The following CDK14 variants were observed in gnomAD, a reference collection of about 807,000 sequenced individuals.
The protein encoded by CDK14 is cyclin dependent kinase 14.
CDK14 carries 34 observed loss-of-function variants against 60.7 expected under a neutral mutation model. The observed-to-expected ratio is 0.56, with a 90% CI of 0.43 to 0.75. The LOEUF (loss-of-function observed/expected upper bound fraction) is 0.75. Ranked by LOEUF, CDK14 falls within the 30% of genes least tolerant of loss-of-function variation. The pLI is 0.00. For synonymous variants in CDK14, 197 were observed against 203.7 expected (o/e 0.97, Z 0.28); for missense variants, 482 against 564.1 (o/e 0.85, Z 1.47).
intron 9 of CDK14, among the ~76,000 whole-genome samples, chr7:90,970,411 A>G (rs1201665279): frequency 3.9e-5 from 6 of 152,158 alleles, no homozygotes; most frequent in African/African-American, 1.4e-4. Context: ...TTTTGTCTTT[A>G]TCTTTGCTGG....
At chr7:90,812,180 T>A (rs964006240) in intron 5 of CDK14, among the ~76,000 whole-genome samples, 13 of 152,208 alleles carry the variant, frequency 8.5e-5, no homozygotes, top group Non-Finnish European at 1.6e-4. Context: ...ATGTTTATTG[T>A]GGCACTATTA....
intron 6 of CDK14, among the ~76,000 whole-genome samples, chr7:90,886,585 C>T (rs533755978): frequency 6.6e-6 from 1 of 152,236 alleles, no homozygotes; most frequent in South Asian, 2.1e-4. Flanking sequence ...CTTCTAATGG[C>T]AAATGGCACT....
chr7:90,919,046 T>C (rs1169029080), intron 8 of CDK14, among the ~76,000 whole-genome samples: 1 of 152,120 alleles, frequency 6.6e-6, no homozygotes, highest in Non-Finnish European at 1.5e-5. Context: ...CTTTTTATAA[T>C]AGGGTAGAAA....
At chr7:91,007,103 G>T (rs1221749818) in intron 10 of CDK14, among the ~76,000 whole-genome samples, 1 of 152,068 alleles carries the variant, frequency 6.6e-6, no homozygotes, top group Non-Finnish European at 1.5e-5. Flanking sequence ...TATAAATTTT[G>T]ACAAATAATG....
At chr7:90,705,591 C>G (rs1801879782) in intron 2 of CDK14, among the ~76,000 whole-genome samples, 1 of 150,544 alleles carries the variant, frequency 6.6e-6, no homozygotes, top group South Asian at 2.1e-4. Context: ...GTTCATGGTT[C>G]TGCTTTGAAC....
At chr7:91,054,088 A>ATTTT (rs10675646) in intron 11 of CDK14, among the ~76,000 whole-genome samples, 10,799 of 112,814 alleles carry the variant, frequency 0.096, 972 homozygotes, top group African/African-American at 0.2. Context: ...CTGCAAAATA[A>ATTTT]TTTTTTTTTT....
chr7:91,177,567 T>A (rs1263928390), intron 14 of CDK14, among the ~76,000 whole-genome samples: 1 of 151,766 alleles, frequency 6.6e-6, no homozygotes, highest in Non-Finnish European at 1.5e-5. Context: ...AACCCCATTG[T>A]CTCAGCCCGA....
intron 13 of CDK14, among the ~76,000 whole-genome samples, chr7:91,116,212 T>G (rs1226355776): frequency 6.6e-6 from 1 of 152,222 alleles, no homozygotes; most frequent in Non-Finnish European, 1.5e-5. Flanking sequence ...TCAAAGTAAA[T>G]GAACAAAATA....
chr7:90,640,385 A>G (rs1234479212), intron 2 of CDK14, among the ~76,000 whole-genome samples: 3 of 152,154 alleles, frequency 2.0e-5, no homozygotes, highest in Non-Finnish European at 4.4e-5. Context: ...GTCACAGGAA[A>G]TCATAGCCAT....
intron 9 of CDK14, chr7:90,979,522 TTATAA>T (rs1795170760): frequency 6.6e-6 from 1 of 152,224 alleles, no homozygotes; most frequent in Non-Finnish European, 1.5e-5. Flanking sequence ...ATGGAATACG[TTATAA>T]TTACTGTGTT....
chr7:91,149,486 C>T (rs1355746586), intron 14 of CDK14, among the ~76,000 whole-genome samples: 1 of 152,106 alleles, frequency 6.6e-6, no homozygotes. Context: ...AGTTTAAGCT[C>T]TCTCTCTGTT....
At chr7:90,952,084 T>A (rs141193584) in intron 8 of CDK14, among the ~76,000 whole-genome samples, 1 of 152,240 alleles carries the variant, frequency 6.6e-6, no homozygotes, top group African/African-American at 2.4e-5. Context: ...GGAGACCAAG[T>A]CATTCCTGGT....
At chr7:90,898,701 C>T (rs1200626345) in intron 6 of CDK14, among the ~76,000 whole-genome samples, 4 of 152,006 alleles carry the variant, frequency 2.6e-5, no homozygotes, top group East Asian at 1.9e-4. Flanking sequence ...GTTGAATATT[C>T]GTTTAAACAT....
intron 14 of CDK14, among the ~76,000 whole-genome samples, chr7:91,183,976 C>T (rs962670924): frequency 1.4e-4 from 22 of 152,132 alleles, no homozygotes; most frequent in Admixed American, 5.2e-4. Flanking sequence ...AGGAGGATCA[C>T]TTGAGGCCAG....
rs915569929 is a variant in CDK14, at chr7:90,598,776, C to T, written c.91+2058C>T. The stretch of plus-strand genomic sequence containing the variant: ...CTGGAGTGCAGTGGCGGGATCTCGG[C>T]TCACTGCAAGCTCCGCCTCCCGGGT... On this transcript the variant is annotated intron_variant, in intron 1 of 14. Coordinates refer to ENST00000380050, the MANE Select transcript of CDK14 (RefSeq NM_001287135.2). Among the ~76,000 whole-genome samples, 22 of 123,598 alleles carry T rather than the reference C, an allele frequency of 1.8e-4. 1 individual carries two copies. The South Asian group carries it at 5.3e-3, about 30-fold the overall frequency. The allele number at this position is 123,598 out of a possible 152,430, so 81.1% of individuals were successfully genotyped here.
At chr7:90,709,941 G>T in intron 2 of CDK14, 1 of 1,127,630 alleles carries the variant, frequency 8.9e-7, no homozygotes, top group Non-Finnish European at 1.1e-6. Flanking sequence ...AAGCCTGAGG[G>T]AGACAACAGC....
At chr7:90,911,170 T>C (rs910595419) in intron 7 of CDK14, among the ~76,000 whole-genome samples, 3 of 152,226 alleles carry the variant, frequency 2.0e-5, no homozygotes, top group African/African-American at 4.8e-5. Context: ...ATGTGTATAA[T>C]ACACTTAGCA....
At chr7:90,699,494 C>G (rs1306134382) in intron 2 of CDK14, among the ~76,000 whole-genome samples, 1 of 152,208 alleles carries the variant, frequency 6.6e-6, no homozygotes, top group Non-Finnish European at 1.5e-5. Flanking sequence ...AGGCTTGGAT[C>G]AGGAACACAG....
At chr7:91,146,500 G>A (rs530943979) in intron 14 of CDK14, among the ~76,000 whole-genome samples, 19 of 152,212 alleles carry the variant, frequency 1.2e-4, no homozygotes, top group Middle Eastern at 3.4e-3. Flanking sequence ...CGTGCCCAGC[G>A]CTGAGGTTCT....
Sources: gnomAD v4.1 joint callset for allele counts (sites outside exome capture counted in the v4.1 genomes callset) on GRCh38, gnomAD v4.1.1 for gene constraint, MANE v1.5 for transcripts, NCBI Gene and HGNC (gene_info 2026-07-23, HGNC 2026-07-21) for gene names.